The following AGBL4 variants were observed in gnomAD, a reference collection of about 807,000 sequenced individuals.
The protein encoded by AGBL4 is cytosolic carboxypeptidase 6.
Under a neutral mutation model 66.4 loss-of-function variants are expected in AGBL4, and 58 were observed. The observed-to-expected ratio is 0.87, with a 90% CI of 0.71 to 1.09. The LOEUF is 1.09. Ranked by LOEUF, AGBL4 falls within the 50% of genes least tolerant of loss-of-function variation. AGBL4 has a pLI of 0.00. For synonymous variants in AGBL4, 234 were observed against 222.9 expected (o/e 1.05, Z -0.44); for missense variants, 579 against 631.0 (o/e 0.92, Z 0.88).
chr1:49,108,465 C>T (rs1277563720), intron 4 of AGBL4, among the ~76,000 whole-genome samples: 1 of 152,032 alleles, frequency 6.6e-6, no homozygotes, highest in Non-Finnish European at 1.5e-5. Flanking sequence ...TTAATGAGAG[C>T]ACAGGAGCTT....
chr1:49,636,384 C>T (rs1645672924), intron 3 of AGBL4, among the ~76,000 whole-genome samples: 1 of 152,162 alleles, frequency 6.6e-6, no homozygotes, highest in Admixed American at 6.5e-5. Context: ...GCACTAATCT[C>T]ATTCATGAAG....
chr1:49,804,283 G>A (rs1229713444), intron 2 of AGBL4, among the ~76,000 whole-genome samples: 1 of 152,104 alleles, frequency 6.6e-6, no homozygotes, highest in African/African-American at 2.4e-5. Context: ...CTTATGCACG[G>A]ACCTTTTTTT....
chr1:49,154,435 AAAT>A (rs1352722629), intron 4 of AGBL4, among the ~76,000 whole-genome samples: 2 of 152,204 alleles, frequency 1.3e-5, no homozygotes, highest in African/African-American at 4.8e-5. Flanking sequence ...ACATGAAATT[AAAT>A]AATATTATTA....
At chr1:49,384,658 C>T (rs1158350307) in intron 3 of AGBL4, among the ~76,000 whole-genome samples, 1 of 152,054 alleles carries the variant, frequency 6.6e-6, no homozygotes, top group Non-Finnish European at 1.5e-5. Flanking sequence ...GATGTTTACT[C>T]TCATTATCAC....
chr1:49,980,848 T>C (rs979165212), intron 1 of AGBL4, among the ~76,000 whole-genome samples: 8 of 152,192 alleles, frequency 5.3e-5, no homozygotes, highest in African/African-American at 1.9e-4. Flanking sequence ...ATATCCTCTG[T>C]AAAACACTCT....
chr1:49,753,277 C>G (rs1651620792), intron 2 of AGBL4, among the ~76,000 whole-genome samples: 1 of 152,208 alleles, frequency 6.6e-6, no homozygotes, highest in Non-Finnish European at 1.5e-5. Flanking sequence ...GTGACAAAAT[C>G]CTTCAGCATT....
At chr1:48,901,057 A>G (rs1332293670) in intron 5 of AGBL4, among the ~76,000 whole-genome samples, 2 of 152,364 alleles carry the variant, frequency 1.3e-5, no homozygotes. Flanking sequence ...AAAAGCGGGC[A>G]AAAGATCTGA....
intron 5 of AGBL4, among the ~76,000 whole-genome samples, chr1:49,044,567 T>C (rs1045701379): frequency 2.0e-5 from 3 of 151,862 alleles, no homozygotes; most frequent in African/African-American, 7.3e-5. Context: ...GATGTCTAAC[T>C]CCTAATCCCC....
intron 2 of AGBL4, among the ~76,000 whole-genome samples, chr1:49,804,320 T>C (rs1017559839): frequency 7.2e-5 from 11 of 152,160 alleles, no homozygotes; most frequent in East Asian, 5.8e-4. Flanking sequence ...TTAGTCTTAG[T>C]GTATTTTGTG....
chr1:49,071,527 G>A (rs1205112043), intron 4 of AGBL4, among the ~76,000 whole-genome samples: 2 of 151,980 alleles, frequency 1.3e-5, no homozygotes, highest in African/African-American at 4.9e-5. Context: ...GGAGCAGGTT[G>A]TTCAGTTTCC....
At chr1:49,389,241 A>AT (rs879502431) in intron 3 of AGBL4, among the ~76,000 whole-genome samples, 46 of 149,674 alleles carry the variant, frequency 3.1e-4, no homozygotes, top group Non-Finnish European at 3.9e-4. Flanking sequence ...TCTGCCATCA[A>AT]TTTTTTTTTT....
chr1:48,754,703 T>G (rs1652264855), intron 6 of AGBL4, among the ~76,000 whole-genome samples: 1 of 152,154 alleles, frequency 6.6e-6, no homozygotes, highest in African/African-American at 2.4e-5. Context: ...AAAGTGAGGT[T>G]CCTTCCCATC....
At chr1:49,674,422 C>A (rs1157357175) in intron 3 of AGBL4, among the ~76,000 whole-genome samples, 1 of 151,518 alleles carries the variant, frequency 6.6e-6, no homozygotes, top group Non-Finnish European at 1.5e-5. Context: ...TCTTAACTTG[C>A]CCAATTGCCC....
At chr1:50,022,728 G>A (rs1464023734) in intron 1 of AGBL4, among the ~76,000 whole-genome samples, 2 of 151,250 alleles carry the variant, frequency 1.3e-5, no homozygotes, top group Non-Finnish European at 2.9e-5. Context: ...ATATATACAA[G>A]GTTATGTATA....
At chr1:48,870,967 C>T (rs1042329162) in intron 5 of AGBL4, among the ~76,000 whole-genome samples, 1 of 152,130 alleles carries the variant, frequency 6.6e-6, no homozygotes, top group Non-Finnish European at 1.5e-5. Flanking sequence ...ATAATTCCCT[C>T]AAAGTCATTC....
At chr1:49,054,480 C>T (rs1205900030) in intron 4 of AGBL4, among the ~76,000 whole-genome samples, 3 of 151,924 alleles carry the variant, frequency 2.0e-5, no homozygotes, top group Non-Finnish European at 4.4e-5. Flanking sequence ...CTTGTTAAAT[C>T]AGCAAACCTA....
At chr1:49,461,833 T>C (rs1282867324) in intron 3 of AGBL4, among the ~76,000 whole-genome samples, 2 of 151,842 alleles carry the variant, frequency 1.3e-5, no homozygotes, top group African/African-American at 2.4e-5. Flanking sequence ...TATTCCATTA[T>C]GTATACGTGT....
rs541620746 is a variant in AGBL4, at chr1:49,127,262, A to T, written c.378-81462T>A. On this transcript the variant is annotated intron_variant, in intron 4 of 13. Coordinates refer to ENST00000371839, the MANE Select transcript of AGBL4 (RefSeq NM_032785.4). Reference sequence around the variant, plus strand: ...TTGATGGTGGTTTTAAATTAAGAAGATACAGATTGGACTCTGCAGGGGGAA... The same window carrying T: ...TTGATGGTGGTTTTAAATTAAGAAGTTACAGATTGGACTCTGCAGGGGGAA... 2.6e-5 allele frequency among the ~76,000 whole-genome samples: 4 copies of T among 152,222 alleles called. No individual in the cohort carries two copies. The East Asian group carries it at 7.7e-4, about 29-fold the overall frequency.
chr1:49,918,834 A>G (rs549523789), intron 1 of AGBL4, among the ~76,000 whole-genome samples: 33 of 152,362 alleles, frequency 2.2e-4, no homozygotes, highest in African/African-American at 6.5e-4. Context: ...AAAATCCTCA[A>G]TAAAATACTG....
Sources: gnomAD v4.1 joint callset for allele counts (sites outside exome capture counted in the v4.1 genomes callset) on GRCh38, gnomAD v4.1.1 for gene constraint, MANE v1.5 for transcripts, NCBI Gene and HGNC (gene_info 2026-07-23, HGNC 2026-07-21) for gene names.